The following CNGB1 variants were observed in gnomAD, a reference collection of about 807,000 sequenced individuals.
CNGB1 encodes cyclic nucleotide-gated channel beta-1.
Under a neutral mutation model 151.7 loss-of-function variants are expected in CNGB1, and 126 were observed. That is an observed-to-expected ratio of 0.83 (90% CI 0.72 to 0.96). The LOEUF is 0.96. CNGB1 is among the 40% of genes least tolerant of loss of function. The pLI is 0.00. For missense variants in CNGB1, 1,698 were observed against 1,627.0 expected, an observed-to-expected ratio of 1.04 and a Z score of -0.75; for synonymous variants, 623 against 635.1, an observed-to-expected ratio of 0.98 and a Z score of 0.29.
In CNGB1 at chr16:57,967,362, T is replaced by A; in HGVS notation, c.-8-68A>T. On this transcript the variant is annotated intron_variant, in intron 1 of 32. Transcript: ENST00000251102. ...GTAGCTCCCGCCACTTATGGGCCAC[T>A]CTTATGAGTTGTACATTTCCTTTTC... The A allele has an allele frequency of 3.4e-6, 5 of 1,477,476 alleles. No homozygotes were observed. In the South Asian group the frequency reaches 5.7e-5, roughly 17 times the overall value. 91.5% of individuals were successfully genotyped at this position (1,477,476 alleles called of 1,614,324 possible).
At chr16:57,944,766 C>T (rs1961760001) in intron 14 of CNGB1, among the ~76,000 whole-genome samples, 1 of 151,310 alleles carries the variant, frequency 6.6e-6, no homozygotes, top group African/African-American at 2.4e-5. Flanking sequence ...ACCAGCCTGG[C>T]CAATTTGGCA....
chr16:57,950,327 T>C, intron 13 of CNGB1, 54 bp downstream of exon 13: 1 of 1,604,576 alleles, frequency 6.2e-7, no homozygotes, highest in Admixed American at 1.7e-5. Flanking sequence ...TACTGCATGC[T>C]TGGCACTTTC....
chr16:57,894,879 GA>G (rs1960181576), intron 31 of CNGB1, among the ~76,000 whole-genome samples: 1 of 152,140 alleles, frequency 6.6e-6, no homozygotes, highest in South Asian at 2.1e-4. Flanking sequence ...TGAAACAAGT[GA>G]ACCTACCTGT....
Position 57,911,880 on chromosome 16 carries a change from A to T in CNGB1, c.2370-5T>A. ...TAGGCTGTGGTCCTGATGACCCTGC[A>T]GAAGGAACACAGCGCATGAACACAG... On this transcript the variant is annotated splice_region_variant and splice_polypyrimidine_tract_variant and intron_variant, in intron 24 of 32. Coordinates refer to ENST00000251102, the MANE Select transcript of CNGB1 (RefSeq NM_001297.5). 1 of 1,613,388 alleles carries T rather than the reference A, an allele frequency of 6.2e-7. No homozygotes were observed.
intron 27 of CNGB1, 22 bp downstream of exon 27, chr16:57,903,800 T>G (rs1960455294): frequency 2.5e-6 from 4 of 1,613,698 alleles, no homozygotes; most frequent in Non-Finnish European, 3.4e-6. Flanking sequence ...AGCTGGTGGC[T>G]GCCAGGGCGT....
At chr16:57,963,139 G>T in intron 4 of CNGB1, 75 bp from the exon 5 acceptor site, 1 of 1,084,568 alleles carries the variant, frequency 9.2e-7, no homozygotes. Flanking sequence ...CAAGACACTA[G>T]GTGAGTCTCT....
intron 1 of CNGB1, among the ~76,000 whole-genome samples, chr16:57,969,580 C>G (rs1468295453): frequency 2.0e-5 from 3 of 152,184 alleles, no homozygotes; most frequent in Admixed American, 2.0e-4. Context: ...GCACTCCAGC[C>G]TGGTCGACAG....
In CNGB1 at chr16:57,897,876, C is replaced by T. The variant is rs954251923; in HGVS notation, c.3015G>A (p.Gly1005=). ...IGREMYIIQA[G]QVQVLGGPDG... is the part of the protein sequence containing the mutation. ...CAGGGCCGCCCAAGACCTGCACTTG[C>T]CCTGCCTGGATGATGTACATCTCAC... is the stretch of plus-strand genomic sequence containing the variant. The change falls in exon 30 of 33, where the codon GGG becomes GGA. Residue 1005 remains glycine, a synonymous_variant. Transcript: ENST00000251102. 3.1e-6 allele frequency: 5 copies of T among 1,614,230 alleles called. No homozygotes were observed. The highest frequency in any genetic ancestry group is 4.2e-6 in the Non-Finnish European group (5 of 1,180,048).
intron 29 of CNGB1, 124 bp downstream of exon 29, chr16:57,901,228 G>T (rs111613182): frequency 1.0e-6 from 1 of 956,068 alleles, no homozygotes; most frequent in Non-Finnish European, 1.7e-6. Flanking sequence ...AGCCGCAGAC[G>T]CTCTTCTCCC....
At chr16:57,966,726 A>G (rs1465248757) in intron 2 of CNGB1, among the ~76,000 whole-genome samples, 1 of 152,196 alleles carries the variant, frequency 6.6e-6, no homozygotes, top group Non-Finnish European at 1.5e-5. Context: ...TGAACTCTAG[A>G]GGTTGGCAAA....
At chr16:57,910,944 T>G (rs571023747) in intron 25 of CNGB1, among the ~76,000 whole-genome samples, 22 of 152,174 alleles carry the variant, frequency 1.4e-4, no homozygotes, top group Non-Finnish European at 3.1e-4. Flanking sequence ...TGATTGAAAC[T>G]TGTGCCAGAT....
intron 4 of CNGB1, among the ~76,000 whole-genome samples, chr16:57,963,284 G>A (rs1435258720): frequency 6.6e-6 from 1 of 152,162 alleles, no homozygotes; most frequent in Non-Finnish European, 1.5e-5. Flanking sequence ...TCCCCACTGT[G>A]AGACTTCAGA....
chr16:57,967,178 C>G lies in CNGB1; in HGVS notation c.109G>C (p.Val37Leu). 1 of 1,614,198 alleles carries G rather than the reference C, an allele frequency of 6.2e-7. No homozygotes were observed. The highest frequency in any genetic ancestry group is 8.5e-7 in the Non-Finnish European group (1 of 1,180,048). The change falls in exon 2 of 33, where the codon GTG (valine) becomes CTG (leucine). Residue 37 changes from valine to leucine, a missense_variant. By Grantham distance (32) the Val-to-Leu change is conservative (BLOSUM62 1). Transcript: ENST00000251102. ...VEPEPEMEAE[V>L]EPEPNPEEAE... is the part of the protein sequence containing the mutation. Reference sequence around the variant, plus strand: ...TCCTCAGGATTCGGTTCTGGTTCCACCTCCGCCTCCATCTCTGGCTCTGGT... The same window carrying G: ...TCCTCAGGATTCGGTTCTGGTTCCAGCTCCGCCTCCATCTCTGGCTCTGGT...
At position 57,884,169 on chromosome 16, in the gene CNGB1, C is replaced by G. The variant is rs768947322; in HGVS notation, c.3751G>C (p.Glu1251Gln). ...GGGATCCGCCTCACCCCACCTTACT[C>G]CGCCTTCTCCTCCCTTTCCTCCGGC... ...KMPEEREEKAE is the reference protein window; with the variant it reads ...KMPEEREEKAQ The change falls in exon 33 of 33, where the codon GAG (glutamate) becomes CAG (glutamine). Residue 1251 changes from glutamate to glutamine, a missense_variant. Transcript: ENST00000251102. 7.4e-6 allele frequency: 12 copies of G among 1,613,942 alleles called. No homozygotes were observed. The highest frequency in any genetic ancestry group is 1.3e-5 in the African/African-American group (1 of 74,936).
intron 25 of CNGB1, among the ~76,000 whole-genome samples, chr16:57,908,224 G>T (rs1182189351): frequency 6.6e-6 from 1 of 152,206 alleles, no homozygotes; most frequent in East Asian, 1.9e-4. Context: ...GCTCCCCCTC[G>T]GGGCAGGGCT....
chr16:57,932,196 G>C (rs1206135675), intron 16 of CNGB1, among the ~76,000 whole-genome samples: 1 of 152,158 alleles, frequency 6.6e-6, no homozygotes, highest in African/African-American at 2.4e-5. Flanking sequence ...CCCTGCACTT[G>C]AGCAAGCTCC....
rs1303849601 is a variant in CNGB1 at position 57,882,475 on chromosome 16, G to A, written c.*1689C>T. The A allele has an allele frequency of 6.6e-6, 1 of 152,100 alleles. No homozygotes were observed. Among genetic ancestry groups the A allele is most frequent in the African/African-American group, 2.4e-5 (1 of 41,426 alleles). The allele number at this position is 152,100 out of a possible 1,614,324, so 9.4% of individuals were successfully genotyped here. A position where few individuals can be genotyped will look rare whatever the true frequency, so the allele number is the denominator to read the frequency against. ...TTGGAAATGCTTAGACCAGCCTGGGGACTCCCACATTCTTTCATTTTTCCA... is the reference window on the plus strand; with the variant it reads ...TTGGAAATGCTTAGACCAGCCTGGGAACTCCCACATTCTTTCATTTTTCCA... On this transcript the variant is annotated 3_prime_UTR_variant, in exon 33 of 33. Transcript: ENST00000251102.
intron 14 of CNGB1, among the ~76,000 whole-genome samples, chr16:57,945,217 T>G (rs1373696331): frequency 6.6e-6 from 1 of 152,136 alleles, no homozygotes; most frequent in East Asian, 1.9e-4. Context: ...TGCCTCTGAG[T>G]ATTTTGGAGA....
At chr16:57,929,544 A>C (rs999523830) in intron 17 of CNGB1, among the ~76,000 whole-genome samples, 2 of 152,170 alleles carry the variant, frequency 1.3e-5, no homozygotes, top group African/African-American at 4.8e-5. Context: ...ACAGTACCAC[A>C]GGCTTAACAG....
Sources: gnomAD v4.1 joint callset for allele counts (sites outside exome capture counted in the v4.1 genomes callset) on GRCh38, gnomAD v4.1.1 for gene constraint, MANE v1.5 for transcripts, NCBI Gene and HGNC (gene_info 2026-07-23, HGNC 2026-07-21) for gene names.